The following CYP4V2 variants were observed in gnomAD, a reference collection of about 807,000 sequenced individuals.
CYP4V2 encodes the protein cytochrome P450 family 4 subfamily V member 2.
In CYP4V2, 55 loss-of-function variants were observed where a neutral mutation model predicts 60.8. The ratio of observed to expected loss-of-function variants is 0.90; its 90% CI spans 0.73 to 1.13. The LOEUF is 1.13. Among genes scored for constraint, CYP4V2 ranks in the 50% most tolerant of loss-of-function variants. The probability of loss-of-function intolerance (pLI) is 0.00; values close to 1 mark genes in which losing one functional copy is unlikely to be tolerated. For synonymous variants in CYP4V2, 239 were observed against 236.8 expected (o/e 1.01, Z -0.08); for missense variants, 675 against 662.9 (o/e 1.02, Z -0.20).
At position 186,208,924 on chromosome 4, in the gene CYP4V2, G is replaced by A; in HGVS notation, c.1150G>A (p.Val384Ile). The change falls in exon 9 of 11, where the codon GTT (valine) becomes ATT (isoleucine). Residue 384 changes from valine (V) to isoleucine (I), a missense_variant. By Grantham distance (29) the Val-to-Ile change is conservative. Transcript: ENST00000378802. ...DLKKLRYLEC[V>I]IKETLRLFPS... Reference sequence around the variant, plus strand: ...GAAGAAACTTCGGTATCTGGAATGTGTTATTAAGGAGACCCTTCGCCTTTT... The same window carrying A: ...GAAGAAACTTCGGTATCTGGAATGTATTATTAAGGAGACCCTTCGCCTTTT... 6.2e-7 allele frequency: 1 copy of A among 1,614,234 alleles called. No homozygotes were observed. Among genetic ancestry groups the A allele is most frequent in the Non-Finnish European group, 8.5e-7 (1 of 1,180,050 alleles).
rs892539079 is a variant in CYP4V2 at position 186,213,397 on chromosome 4, G to C, written c.*2756G>C. 2 of 152,186 alleles carry C rather than the reference G, an allele frequency of 1.3e-5. No homozygotes were observed. The highest frequency in any genetic ancestry group is 2.9e-5 in the Non-Finnish European group (2 of 68,032). 9.4% of individuals were successfully genotyped at this position (152,186 alleles called of 1,614,324 possible). On this transcript the variant is annotated 3_prime_UTR_variant, in exon 11 of 11. Coordinates refer to ENST00000378802, the MANE Select transcript of CYP4V2 (RefSeq NM_207352.4). ...ATATCAATTCAAAACATAGAAAACT[G>C]TAAAAGATAAATCAGGAGATGGCTG...
intron 8 of CYP4V2, 52 bp from the exon 9 acceptor site, chr4:186,208,812 AC>A: frequency 6.2e-7 from 1 of 1,613,434 alleles, no homozygotes; most frequent in Non-Finnish European, 8.5e-7. Flanking sequence ...AGATGTCTGC[AC>A]CCCCAGCCCC....
At chr4:186,203,633 G>A (rs1348547708) in intron 7 of CYP4V2, 3 of 152,228 alleles carry the variant, frequency 2.0e-5, no homozygotes, top group South Asian at 2.1e-4. Flanking sequence ...ATTTGGATCA[G>A]GCTTCCGCTC....
intron 4 of CYP4V2, 178 bp downstream of exon 4, chr4:186,197,308 T>C: frequency 1.1e-6 from 1 of 892,482 alleles, no homozygotes; most frequent in Non-Finnish European, 1.8e-6. Flanking sequence ...GGGCTGTGAG[T>C]GGGGCAGGCA....
At chr4:186,198,546 C>T (rs1349446125) in intron 5 of CYP4V2, among the ~76,000 whole-genome samples, 2 of 152,142 alleles carry the variant, frequency 1.3e-5, no homozygotes, top group Non-Finnish European at 2.9e-5. Context: ...AGAGAGCCCT[C>T]GCTTGTAGAA....
chr4:186,192,195 G>A (rs1231466055), intron 1 of CYP4V2, 158 bp downstream of exon 1: 1 of 965,170 alleles, frequency 1.0e-6, no homozygotes, highest in East Asian at 2.6e-5. Flanking sequence ...TTGCCCCTTG[G>A]CACCCGCCGA....
intron 3 of CYP4V2, 32 bp downstream of exon 3, chr4:186,196,120 T>C: frequency 6.4e-7 from 1 of 1,555,476 alleles, no homozygotes. Context: ...AAGCTGTCTA[T>C]AGAAATGGTT....
intron 4 of CYP4V2, 197 bp downstream of exon 4, chr4:186,197,327 C>T (rs1233688671): frequency 3.5e-6 from 3 of 854,034 alleles, no homozygotes; most frequent in Non-Finnish European, 5.6e-6. Flanking sequence ...CATGGAGCAA[C>T]TGCCCAGGGA....
chr4:186,205,398 CCCCA>C, intron 8 of CYP4V2, 96 bp downstream of exon 8: 1 of 1,113,300 alleles, frequency 9.0e-7, no homozygotes, highest in Non-Finnish European at 1.3e-6. Flanking sequence ...AGGAAGGCTC[CCCCA>C]CGGGATCCTT....
At chr4:186,209,320 T>G in intron 10 of CYP4V2, 48 bp downstream of exon 10, 1 of 1,610,878 alleles carries the variant, frequency 6.2e-7, no homozygotes, top group Non-Finnish European at 8.5e-7. Context: ...CACTTGATGG[T>G]GGGTTTCTCA....
Position 186,209,123 on chromosome 4 carries a change from C to T in CYP4V2, c.1256C>T (p.Ala419Val). 2 of 1,614,160 alleles carry T rather than the reference C, an allele frequency of 1.2e-6. No individual in the cohort carries two copies. The highest frequency in any genetic ancestry group is 8.5e-7 in the Non-Finnish European group (1 of 1,180,032). The change falls in exon 10 of 11, where the codon GCC becomes GTC. Residue 419 changes from alanine to valine, a missense_variant. Ala to Val is a moderately conservative substitution (Grantham distance 64, BLOSUM62 0). Coordinates refer to ENST00000378802, the MANE Select transcript of CYP4V2 (RefSeq NM_207352.4). ...AGYRVLKGTEAVIIPYALHRD... is the reference protein window; with the variant it reads ...AGYRVLKGTEVVIIPYALHRD... ...TACAGAGTTCTAAAAGGCACTGAAG[C>T]CGTCATCATTCCCTATGCATTGCAC... is the stretch of plus-strand genomic sequence containing the variant.
Position 186,191,750 on chromosome 4 carries a change from C to T in CYP4V2, c.-74C>T, listed in dbSNP as rs1247127631. On this transcript the variant is annotated 5_prime_UTR_variant, in exon 1 of 11. Transcript: ENST00000378802. ...CGCGGGGAAGTGGGCGGTGTGCGGC[C>T]GGCACCGCCTCGCACCACGCCCCCG... is the stretch of plus-strand genomic sequence containing the variant. 22 of 1,302,332 alleles carry T rather than the reference C, an allele frequency of 1.7e-5. No homozygotes were observed. The highest frequency in any genetic ancestry group is 2.2e-5 in the Non-Finnish European group (22 of 1,018,640). 80.7% of individuals were successfully genotyped at this position (1,302,332 alleles called of 1,614,324 possible). A position where few individuals can be genotyped will look rare whatever the true frequency, so the allele number is the denominator to read the frequency against.
At chr4:186,206,371 C>A (rs78018697) in intron 8 of CYP4V2, among the ~76,000 whole-genome samples, 3 of 152,162 alleles carry the variant, frequency 2.0e-5, no homozygotes, top group Non-Finnish European at 4.4e-5. Context: ...AATAGGGTAA[C>A]ATTTACAGAT....
chr4:186,201,378 A>C (rs1736302721), intron 7 of CYP4V2, 36 bp downstream of exon 7: 1 of 1,604,454 alleles, frequency 6.2e-7, no homozygotes, highest in Non-Finnish European at 8.5e-7. Flanking sequence ...ATCATTAAAC[A>C]AATTTCAGTT....
chr4:186,193,515 T>C (rs1032812030), intron 1 of CYP4V2, among the ~76,000 whole-genome samples: 3 of 152,344 alleles, frequency 2.0e-5, no homozygotes, highest in Middle Eastern at 3.4e-3. Flanking sequence ...TCCAAGTTGT[T>C]TGAGAAATTA....
chr4:186,208,996 G>T lies in CYP4V2; in HGVS notation c.1222G>T (p.Val408Leu), dbSNP rs747225939. ...CCGTAGTGTTAGTGAAGATTGTGAA[G>T]TGGGTAAGTATGCTATACCTAAAGT... The part of the protein sequence containing the change: ...FARSVSEDCE[V>L]AGYRVLKGTE... Residue 408 changes from valine to leucine, a missense_variant, in exon 9 of 11, where the codon GTG (valine) becomes TTG (leucine). Physicochemically the swap from Val to Leu is conservative, Grantham distance 32. Coordinates refer to ENST00000378802, the MANE Select transcript of CYP4V2 (RefSeq NM_207352.4). 8.7e-6 allele frequency: 14 copies of T among 1,614,214 alleles called. No individual in the cohort carries two copies. The South Asian group carries it at 1.5e-4, about 18-fold the overall frequency.
chr4:186,204,178 G>A (rs987761608), intron 7 of CYP4V2: 1 of 169,352 alleles, frequency 5.9e-6, no homozygotes, highest in Admixed American at 6.1e-5. Flanking sequence ...CTTAAGAGGT[G>A]GAGGCGGAGA....
At chr4:186,209,336 AT>A in intron 10 of CYP4V2, 64 bp downstream of exon 10, 1 of 1,600,980 alleles carries the variant, frequency 6.2e-7, no homozygotes, top group Non-Finnish European at 8.5e-7. Flanking sequence ...TCTCACAGTG[AT>A]TTCTTTGAGA....
chr4:186,192,167 C>G, intron 1 of CYP4V2, 130 bp downstream of exon 1: 1 of 1,216,778 alleles, frequency 8.2e-7, no homozygotes, highest in Non-Finnish European at 1.2e-6. Flanking sequence ...GTGGAGAATG[C>G]ACTCCCAGTT....
Sources: allele counts gnomAD v4.1 joint callset (sites outside exome capture counted in the v4.1 genomes callset), GRCh38; gene constraint gnomAD v4.1.1; transcripts MANE v1.5; gene names NCBI Gene and HGNC (gene_info 2026-07-23, HGNC 2026-07-21).